Variants in MCPH1 observed in about 807,000 individuals in gnomAD.
MCPH1 encodes microcephalin.
MCPH1 carries 104 observed loss-of-function variants against 84.5 expected under a neutral mutation model. The observed-to-expected ratio is 1.23, with a 90% CI of 1.05 to 1.45. MCPH1 has a LOEUF of 1.45. Among genes scored for constraint, MCPH1 ranks in the 40% most tolerant of loss-of-function variants. MCPH1 has a pLI of 0.00. For synonymous variants in MCPH1, 514 were observed against 366.8 expected (o/e 1.40, Z -4.58); for missense variants, 1,498 against 1,005.7 (o/e 1.49, Z -6.62).
chr8:6,520,922 T>C (rs1817213071), intron 12 of MCPH1, among the ~76,000 whole-genome samples: 2 of 152,240 alleles, frequency 1.3e-5, no homozygotes, highest in Admixed American at 1.3e-4. Flanking sequence ...CTCATCCTTC[T>C]AATTAATGAT....
intron 12 of MCPH1, among the ~76,000 whole-genome samples, chr8:6,611,704 C>T (rs913860333): frequency 1.9e-4 from 29 of 152,182 alleles, no homozygotes; most frequent in Admixed American, 1.3e-3. Flanking sequence ...CTGCAAGCTC[C>T]GCCTCCCGGG....
intron 6 of MCPH1, among the ~76,000 whole-genome samples, chr8:6,439,320 G>A (rs926649518): frequency 6.7e-6 from 1 of 149,190 alleles, no homozygotes. Context: ...CCTATTTGTT[G>A]TAGCTCCTTT....
chr8:6,501,320 T>C (rs1812131408), intron 12 of MCPH1: 1 of 152,184 alleles, frequency 6.6e-6, no homozygotes, highest in Non-Finnish European at 1.5e-5. Context: ...GGTAGAACAC[T>C]GTAAGGTGAA....
chr8:6,491,508 G>C (rs923496828), intron 11 of MCPH1, among the ~76,000 whole-genome samples: 2 of 150,238 alleles, frequency 1.3e-5, no homozygotes, highest in Admixed American at 1.3e-4. Context: ...AAGTTCTAGG[G>C]TACATGTGCA....
At chr8:6,503,368 G>A in intron 12 of MCPH1, 4 of 1,125,068 alleles carry the variant, frequency 3.6e-6, no homozygotes, top group Non-Finnish European at 2.6e-6. Context: ...GGCGTGTGGA[G>A]TAGGCACATG....
intron 9 of MCPH1, among the ~76,000 whole-genome samples, chr8:6,466,681 C>T (rs988399999): frequency 6.6e-6 from 1 of 151,968 alleles, no homozygotes; most frequent in Admixed American, 6.6e-5. Context: ...CCTCGTGATT[C>T]TCTCACCTCG....
In MCPH1 at chr8:6,611,120, A is replaced by ACACACACT. The variant is rs1474643052; in HGVS notation, c.2215-10327_2215-10326insTCACACAC. On this transcript the variant is annotated intron_variant, in intron 12 of 13. Transcript: ENST00000344683. ...CACACACATACACACACACTCTCTC[A>ACACACACT]CACACACACTCACACACACACACAC... Among the ~76,000 whole-genome samples the ACACACACT allele has an allele frequency of 2.3e-3, 323 of 139,876 alleles. 4 individuals are homozygous for ACACACACT. Among genetic ancestry groups the ACACACACT allele is most frequent in the African/African-American group, 9.4e-3 (312 of 33,034 alleles). 91.8% of individuals were successfully genotyped at this position (139,876 alleles called of 152,430 possible).
intron 8 of MCPH1, among the ~76,000 whole-genome samples, chr8:6,449,560 G>T (rs1344505952): frequency 6.6e-6 from 1 of 151,938 alleles, no homozygotes; most frequent in East Asian, 1.9e-4. Context: ...TTGAACCCAG[G>T]AGACAGAGGT....
chr8:6,502,905 T>TG (rs1190076536), intron 12 of MCPH1: 2 of 595,594 alleles, frequency 3.4e-6, no homozygotes, highest in African/African-American at 3.7e-5. Flanking sequence ...TTTAGGGTCT[T>TG]GCTTTGGTCC....
At chr8:6,598,226 C>T (rs1250219564) in intron 12 of MCPH1, among the ~76,000 whole-genome samples, 1 of 152,188 alleles carries the variant, frequency 6.6e-6, no homozygotes, top group Non-Finnish European at 1.5e-5. Context: ...CGTGGGTTCC[C>T]ACACCAGCCT....
intron 11 of MCPH1, among the ~76,000 whole-genome samples, chr8:6,488,281 T>G (rs1227033097): frequency 6.6e-6 from 1 of 152,206 alleles, no homozygotes; most frequent in Admixed American, 6.5e-5. Context: ...CCGCTGTGCT[T>G]CCCAGGACCA....
intron 9 of MCPH1, among the ~76,000 whole-genome samples, chr8:6,469,031 A>G (rs1373455269): frequency 5.3e-5 from 8 of 152,100 alleles, no homozygotes; most frequent in Non-Finnish European, 1.2e-4. Context: ...TCTACTAAAA[A>G]TAATTTTTTA....
intron 13 of MCPH1, among the ~76,000 whole-genome samples, chr8:6,632,535 C>A (rs985378095): frequency 6.6e-6 from 1 of 152,146 alleles, no homozygotes; most frequent in South Asian, 2.1e-4. Context: ...TGAGGCTGAG[C>A]GCAGTGACTC....
chr8:6,447,983 TCTC>T lies in MCPH1; in HGVS notation c.1825+2440_1825+2442del, dbSNP rs533176313. Among the ~76,000 whole-genome samples, 314 of 152,312 alleles carry T rather than the reference TCTC, an allele frequency of 2.1e-3. 2 individuals carry two copies. Among genetic ancestry groups the T allele is most frequent in the African/African-American group, 7.4e-3 (307 of 41,574 alleles). ...ATTGCTAAGAAGACTAGAATTTCCATCTCCTCACTTGCCTCTTTTCACTAATTC... is the reference window on the plus strand; with the variant it reads ...ATTGCTAAGAAGACTAGAATTTCCATCTCACTTGCCTCTTTTCACTAATTC... On this transcript the variant is annotated intron_variant, in intron 8 of 13. Transcript: ENST00000344683.
intron 2 of MCPH1, among the ~76,000 whole-genome samples, chr8:6,413,595 G>C (rs1437185286): frequency 6.6e-6 from 1 of 151,626 alleles, no homozygotes; most frequent in Non-Finnish European, 1.5e-5. Flanking sequence ...TCCGTCTTCT[G>C]GTTCTTCTCT....
chr8:6,584,843 G>A (rs79571809), intron 12 of MCPH1, among the ~76,000 whole-genome samples: 1,878 of 152,258 alleles, frequency 0.012, 44 homozygotes, highest in African/African-American at 0.044. Flanking sequence ...GTCAAACTGT[G>A]TCCCCTAGTT....
chr8:6,528,641 G>C (rs553440883), intron 12 of MCPH1, among the ~76,000 whole-genome samples: 1 of 152,232 alleles, frequency 6.6e-6, no homozygotes, highest in African/African-American at 2.4e-5. Context: ...GCTCTCCCGC[G>C]GATTCTCTAG....
intron 13 of MCPH1, among the ~76,000 whole-genome samples, chr8:6,623,013 C>CTTTTTT (rs1164226735): frequency 9.7e-4 from 107 of 109,884 alleles, no homozygotes; most frequent in African/African-American, 1.1e-3. Context: ...GCTTTACTTT[C>CTTTTTT]TTTTTTTTTT....
Position 6,442,711 on chromosome 8 carries a change from G to C in MCPH1, c.670+555G>C, listed in dbSNP as rs17076882. ...AATTTTTCATGGTCATATCTTCTTC[G>C]TACCAAATTTCTTACAGTTTCTTCA... On this transcript the variant is annotated intron_variant, in intron 7 of 13. Transcript: ENST00000344683. Among the ~76,000 whole-genome samples, 1,295 of 152,268 alleles carry C rather than the reference G, an allele frequency of 8.5e-3. 62 individuals carry two copies. In the East Asian group the frequency reaches 0.086, roughly 10 times the overall value.
Sources: gnomAD v4.1 joint callset for allele counts (sites outside exome capture counted in the v4.1 genomes callset) on GRCh38, gnomAD v4.1.1 for gene constraint, MANE v1.5 for transcripts, NCBI Gene and HGNC (gene_info 2026-07-23, HGNC 2026-07-21) for gene names.